XRN1: variants seen among roughly 807,000 people sequenced by gnomAD.
The protein encoded by XRN1 is strand-exchange protein 1 homolog.
XRN1 carries 67 observed loss-of-function variants against 222.3 expected under a neutral mutation model. The observed-to-expected ratio is 0.30, with a 90% CI of 0.25 to 0.37. XRN1 has a LOEUF of 0.37. Among genes scored for constraint, XRN1 ranks in the 10% least tolerant of loss-of-function variants. The pLI is 1.00. For missense variants in XRN1, 1,707 were observed against 2,000.2 expected (o/e 0.85, Z 2.80); for synonymous variants, 643 against 652.4 (o/e 0.99, Z 0.22).
intron 37 of XRN1, among the ~76,000 whole-genome samples, chr3:142,321,283 C>G (rs2065348703): frequency 6.6e-6 from 1 of 151,874 alleles, no homozygotes; most frequent in Non-Finnish European, 1.5e-5. Flanking sequence ...TCATGTCCAG[C>G]TAATTCTTTG....
At chr3:142,428,667 T>C (rs1463190765) in intron 2 of XRN1, among the ~76,000 whole-genome samples, 1 of 152,184 alleles carries the variant, frequency 6.6e-6, no homozygotes, top group Non-Finnish European at 1.5e-5. Flanking sequence ...GAAGTCCAAA[T>C]AACTCTTGGA....
rs2066732157 is a variant in XRN1 at position 142,363,876 on chromosome 3, C to T, written c.3394+1171G>A. 2.0e-5 allele frequency among the ~76,000 whole-genome samples: 3 copies of T among 152,254 alleles called. No individual in the cohort carries two copies. The South Asian group carries it at 6.2e-4, about 32-fold the overall frequency. ...ATTTCTTTGACTGTATAAATCAAAGCAACTGATTTCACTGACATTTTAACA... is the reference window on the plus strand; with the variant it reads ...ATTTCTTTGACTGTATAAATCAAAGTAACTGATTTCACTGACATTTTAACA... On this transcript the variant is annotated intron_variant, in intron 29 of 40. Coordinates refer to ENST00000392981, the MANE Select transcript of XRN1 (RefSeq NM_001282857.2).
chr3:142,316,132 A>G (rs1207154476), intron 39 of XRN1, among the ~76,000 whole-genome samples: 1 of 151,638 alleles, frequency 6.6e-6, no homozygotes, highest in African/African-American at 2.4e-5. Context: ...TACTCTGATA[A>G]TGTTTCTTTT....
chr3:142,355,313 C>A, intron 32 of XRN1, 88 bp downstream of exon 32: 2 of 653,922 alleles, frequency 3.1e-6, no homozygotes, highest in Non-Finnish European at 4.6e-6. Flanking sequence ...TGAGATGTCA[C>A]AGAAAAATAA....
chr3:142,381,119 A>G (rs544977796), intron 22 of XRN1, among the ~76,000 whole-genome samples: 1 of 152,108 alleles, frequency 6.6e-6, no homozygotes, highest in African/African-American at 2.4e-5. Flanking sequence ...AAAGAAAGAA[A>G]GAAAAGAAAA....
At position 142,447,958 on chromosome 3, in the gene XRN1, A is replaced by G. The variant is rs1438546503; in HGVS notation, c.-14T>C. 6.2e-7 allele frequency: 1 copy of G among 1,613,170 alleles called. No individual in the cohort carries two copies. The highest frequency in any genetic ancestry group is 1.7e-5 in the Admixed American group (1 of 59,958). ...GGGGACTCCCATTTCGATCGTCAAC[A>G]CTAATCCCAGTCAGGGCCAAACCGA... On this transcript the variant is annotated 5_prime_UTR_variant, in exon 1 of 41. Coordinates refer to ENST00000392981, the MANE Select transcript of XRN1 (RefSeq NM_001282857.2). This position sits in a 1 kb window ranked among gnomAD's most constrained non-coding sequence, Gnocchi z 4.2.
chr3:142,365,466 T>C, intron 27 of XRN1, 100 bp from the exon 28 acceptor site: 1 of 829,516 alleles, frequency 1.2e-6, no homozygotes, highest in Non-Finnish European at 1.7e-6. Context: ...AAAAGCCAAA[T>C]GAAGAGATTA....
intron 20 of XRN1, among the ~76,000 whole-genome samples, chr3:142,387,455 G>A (rs1372098714): frequency 6.6e-6 from 1 of 152,048 alleles, no homozygotes; most frequent in African/African-American, 2.4e-5. Flanking sequence ...ATATACTTAT[G>A]ATTAATACAC....
At chr3:142,335,530 A>G (rs2065828131) in intron 33 of XRN1, 21 bp from the exon 34 acceptor site, 2 of 1,601,522 alleles carry the variant, frequency 1.2e-6, no homozygotes, top group Non-Finnish European at 1.7e-6. Flanking sequence ...GAAAACAGAA[A>G]TTTTCATAAA....
At position 142,403,958 on chromosome 3, in the gene XRN1, C is replaced by T; in HGVS notation, c.1915G>A (p.Val639Ile). 1 of 1,594,656 alleles carries T rather than the reference C, an allele frequency of 6.3e-7. No individual in the cohort carries two copies. ...YKIISLDAWR[V>I]DINKNKITRI... Reference sequence around the variant, plus strand: ...GTTATTTTGTTTTTGTTTATGTCTACACGCCAAGCATCTAAGGATATTATT... The same window carrying T: ...GTTATTTTGTTTTTGTTTATGTCTATACGCCAAGCATCTAAGGATATTATT... The change falls in exon 17 of 41, where the codon GTA becomes ATA. Residue 639 changes from valine (V) to isoleucine (I), a missense_variant. Transcript: ENST00000392981.
At chr3:142,321,248 T>C (rs2065346988) in intron 37 of XRN1, among the ~76,000 whole-genome samples, 1 of 151,632 alleles carries the variant, frequency 6.6e-6, no homozygotes, top group African/African-American at 2.4e-5. Flanking sequence ...GGCTCCCAAG[T>C]AGCTGTGATT....
rs142078879 is a variant in XRN1 at position 142,403,933 on chromosome 3, G to A, written c.1940C>T (p.Thr647Ile). The stretch of plus-strand genomic sequence containing the variant: ...ATATAATGCTTTCTGGTCAATTCTG[G>A]TTATTTTGTTTTTGTTTATGTCTAC... The part of the protein sequence containing the change: ...WRVDINKNKI[T>I]RIDQKALYFC... The change falls in exon 17 of 41, where the codon ACC becomes ATC. Residue 647 changes from threonine to isoleucine, a missense_variant. Thr to Ile is a moderately conservative substitution (Grantham distance 89, BLOSUM62 -1). Transcript: ENST00000392981. 5 of 1,611,894 alleles carry A rather than the reference G, an allele frequency of 3.1e-6. No homozygotes were observed. The highest frequency in any genetic ancestry group is 4.2e-6 in the Non-Finnish European group (5 of 1,178,390).
intron 39 of XRN1, among the ~76,000 whole-genome samples, chr3:142,317,340 G>C (rs2065239062): frequency 1.3e-5 from 2 of 152,062 alleles, no homozygotes. Context: ...CTAAGTCTCT[G>C]TTCTTTCTTA....
At chr3:142,335,326 A>G in intron 34 of XRN1, 122 bp downstream of exon 34, 1 of 857,358 alleles carries the variant, frequency 1.2e-6, no homozygotes. Flanking sequence ...AACTTCAGTG[A>G]CCCTCTGGCC....
intron 31 of XRN1, among the ~76,000 whole-genome samples, chr3:142,356,670 C>T (rs146131219): frequency 0.01 from 1,567 of 152,304 alleles, 12 homozygotes; most frequent in Non-Finnish European, 0.016. Flanking sequence ...CATGGACATT[C>T]TTAAGTTCCT....
At chr3:142,426,866 C>A (rs1347162450) in intron 2 of XRN1, 25 bp from the exon 3 acceptor site, 2 of 1,594,172 alleles carry the variant, frequency 1.3e-6, no homozygotes, top group South Asian at 1.1e-5. Context: ...GAAAAAAGTA[C>A]CTTAAGTTTT....
chr3:142,421,095 A>G lies in XRN1; in HGVS notation c.1094T>C (p.Val365Ala), dbSNP rs779625744. 3 of 1,614,038 alleles carry G rather than the reference A, an allele frequency of 1.9e-6. No homozygotes were observed. The highest frequency in any genetic ancestry group is 1.7e-4 in the Middle Eastern group (1 of 6,058). ...TGCTTCATTGAGGTACTTGTTACCA[A>G]CTTTGCTTTCAAACCATTTTAGGTC... The part of the protein sequence containing the change: ...FVDLKWFESK[V>A]GNKYLNEAAG... The change falls in exon 10 of 41, where the codon GTT becomes GCT. Residue 365 changes from valine (V) to alanine (A), a missense_variant. This residue lies in a region of XRN1 where 1,234 missense variants were observed against 1,518.2 expected (regional missense o/e 0.81). Transcript: ENST00000392981.
chr3:142,393,551 C>T (rs2067815536), intron 20 of XRN1, among the ~76,000 whole-genome samples: 1 of 151,250 alleles, frequency 6.6e-6, no homozygotes, highest in Admixed American at 6.6e-5. Context: ...TATGGCTAGC[C>T]AGTTTTCCCA....
rs778307392 is a variant in XRN1 at position 142,329,556 on chromosome 3, T to C, written c.4282A>G (p.Asn1428Asp). ...NEYHNVQSMD[N>D]MCWPAPSQIP... ...TGGCTGGGGGCAGGCCAACACATAT[T>C]GTCCATAGACTGAACATTATGGTAC... Residue 1428 changes from asparagine (N) to aspartate (D), a missense_variant, in exon 37 of 41, where the codon AAT becomes GAT. Physicochemically the swap from Asn to Asp is conservative, Grantham distance 23. This residue lies in a region of XRN1 where 473 missense variants were observed against 482.0 expected (regional missense o/e 0.98). Transcript: ENST00000392981. 1.9e-6 allele frequency: 3 copies of C among 1,600,394 alleles called. No individual in the cohort carries two copies. The highest frequency in any genetic ancestry group is 2.6e-6 in the Non-Finnish European group (3 of 1,175,342).
Sources: allele counts gnomAD v4.1 joint callset (sites outside exome capture counted in the v4.1 genomes callset), GRCh38; gene constraint gnomAD v4.1.1; regional missense constraint gnomAD v4.1.1; non-coding constraint Gnocchi (gnomAD v3.1); transcripts MANE v1.5; gene names NCBI Gene and HGNC (gene_info 2026-07-23, HGNC 2026-07-21).